DIAPH1: variants seen among roughly 807,000 people sequenced by gnomAD.
DIAPH1 encodes the protein diaphanous related formin 1, also known as protein diaphanous homolog 1.
A neutral mutation model predicts 140.7 loss-of-function variants in DIAPH1; 46 were observed. The ratio of observed to expected loss-of-function variants is 0.33; its 90% CI spans 0.26 to 0.42. DIAPH1 has a LOEUF of 0.42. Among genes scored for constraint, DIAPH1 ranks in the 10% least tolerant of loss-of-function variants. DIAPH1 has a pLI of 1.00. For synonymous variants in DIAPH1, 565 were observed against 551.6 expected, an observed-to-expected ratio of 1.02 and a Z score of -0.34; for missense variants, 1,310 against 1,558.7, an observed-to-expected ratio of 0.84 and a Z score of 2.69.
At chr5:141,610,016 A>G (rs2099901558) in intron 1 of DIAPH1, among the ~76,000 whole-genome samples, 2 of 152,250 alleles carry the variant, frequency 1.3e-5, no homozygotes, top group African/African-American at 4.8e-5. Context: ...AAAAGAGAGA[A>G]GCCGAGCACA....
intron 27 of DIAPH1, 87 bp downstream of exon 27, chr5:141,524,056 A>G (rs1460976272): frequency 9.2e-7 from 1 of 1,090,070 alleles, no homozygotes; most frequent in Non-Finnish European, 1.4e-6. Context: ...TTAGAGCATC[A>G]TTATTTGCTC....
intron 27 of DIAPH1, among the ~76,000 whole-genome samples, chr5:141,523,686 T>G (rs1261500755): frequency 6.6e-6 from 1 of 151,726 alleles, no homozygotes; most frequent in African/African-American, 2.4e-5. Context: ...TGCCTAAACC[T>G]GTCTACAAAA....
At chr5:141,613,859 T>G (rs973059835) in intron 1 of DIAPH1, among the ~76,000 whole-genome samples, 1 of 152,198 alleles carries the variant, frequency 6.6e-6, no homozygotes, top group African/African-American at 2.4e-5. Flanking sequence ...TTTAAGAAAT[T>G]TTATTATCAA....
At chr5:141,574,428 A>G (rs1412342296) in intron 15 of DIAPH1, among the ~76,000 whole-genome samples, 1 of 152,218 alleles carries the variant, frequency 6.6e-6, no homozygotes, top group Non-Finnish European at 1.5e-5. Flanking sequence ...CATGCTTTGT[A>G]TTAAGAAGAC....
At position 141,534,401 on chromosome 5, in the gene DIAPH1, T is replaced by C; in HGVS notation, c.2515A>G (p.Lys839Glu). ...KKDQEGGEEK[K>E]SVQKKKVKEL... ...TTTACTTTTTTCTTTTGCACAGATTTCTTTTCTTCTCCACCTTCTTGATCC... is the reference window on the plus strand; with the variant it reads ...TTTACTTTTTTCTTTTGCACAGATTCCTTTTCTTCTCCACCTTCTTGATCC... Residue 839 changes from lysine (K) to glutamate (E), a missense_variant, in exon 19 of 28, where the codon AAA (lysine) becomes GAA (glutamate). Physicochemically the swap from Lys to Glu is moderately conservative, Grantham distance 56. Coordinates refer to ENST00000389054, the MANE Select transcript of DIAPH1 (RefSeq NM_005219.5). 1 of 1,613,906 alleles carries C rather than the reference T, an allele frequency of 6.2e-7. No homozygotes were observed. Among genetic ancestry groups the C allele is most frequent in the Non-Finnish European group, 8.5e-7 (1 of 1,180,014 alleles).
At chr5:141,587,935 C>T (rs1049987721) in intron 2 of DIAPH1, among the ~76,000 whole-genome samples, 2 of 152,146 alleles carry the variant, frequency 1.3e-5, no homozygotes, top group African/African-American at 4.8e-5. Context: ...TTGAAAATAA[C>T]AGTAATTATC....
chr5:141,533,289 A>G (rs938724194), intron 19 of DIAPH1, among the ~76,000 whole-genome samples: 1 of 152,216 alleles, frequency 6.6e-6, no homozygotes, highest in African/African-American at 2.4e-5. Context: ...CTTGGTATGA[A>G]GTAGGTAGAT....
chr5:141,525,647 C>T (rs1383758145), intron 26 of DIAPH1, among the ~76,000 whole-genome samples: 3 of 151,902 alleles, frequency 2.0e-5, no homozygotes, highest in African/African-American at 4.8e-5. Context: ...GAAGACACGC[C>T]ACAATTAAAA....
At chr5:141,568,905 G>C (rs888223079) in intron 18 of DIAPH1, among the ~76,000 whole-genome samples, 4 of 152,010 alleles carry the variant, frequency 2.6e-5, no homozygotes, top group Non-Finnish European at 5.9e-5. Flanking sequence ...CACCTAAGCA[G>C]TGCTTCTACT....
chr5:141,562,896 C>T (rs544910502), intron 18 of DIAPH1, among the ~76,000 whole-genome samples: 20 of 152,272 alleles, frequency 1.3e-4, no homozygotes, highest in African/African-American at 4.3e-4. Flanking sequence ...TTGTTCACCC[C>T]AATCCTTAGT....
rs114141825 is a variant in DIAPH1, at chr5:141,595,278, G to A, written c.118-7028C>T. ...GATGGATATATGTCATTCATGGATTGTACAACACTAAGAGTGAACCCTAAT... is the reference window on the plus strand; with the variant it reads ...GATGGATATATGTCATTCATGGATTATACAACACTAAGAGTGAACCCTAAT... On this transcript the variant is annotated intron_variant, in intron 1 of 27. Coordinates refer to ENST00000389054, the MANE Select transcript of DIAPH1 (RefSeq NM_005219.5). Among the ~76,000 whole-genome samples the A allele has an allele frequency of 3.8e-3, 585 of 152,276 alleles. 3 individuals are homozygous for A. The highest frequency in any genetic ancestry group is 0.013 in the African/African-American group (527 of 41,550).
At chr5:141,542,655 T>G (rs542950374) in intron 18 of DIAPH1, among the ~76,000 whole-genome samples, 4 of 152,124 alleles carry the variant, frequency 2.6e-5, no homozygotes, top group Non-Finnish European at 5.9e-5. Context: ...GGTAAATCTA[T>G]AGAGACACAC....
intron 19 of DIAPH1, among the ~76,000 whole-genome samples, chr5:141,530,437 C>A (rs972986266): frequency 3.7e-4 from 57 of 152,284 alleles, no homozygotes; most frequent in African/African-American, 1.3e-3. Flanking sequence ...CCTTCTGGGT[C>A]CCTGGTCAGT....
chr5:141,593,808 G>A (rs2099898874), intron 1 of DIAPH1, among the ~76,000 whole-genome samples: 1 of 152,154 alleles, frequency 6.6e-6, no homozygotes, highest in Admixed American at 6.6e-5. Context: ...AAGATGTGGA[G>A]CAAGAACTTT....
chr5:141,604,729 A>G (rs1190126882), intron 1 of DIAPH1, among the ~76,000 whole-genome samples: 2 of 152,198 alleles, frequency 1.3e-5, no homozygotes, highest in Non-Finnish European at 2.9e-5. Flanking sequence ...CCACTCCTGA[A>G]TACCCAGAAA....
intron 27 of DIAPH1, 49 bp from the exon 28 acceptor site, chr5:141,517,057 T>TA: frequency 6.2e-7 from 1 of 1,608,934 alleles, no homozygotes; most frequent in Non-Finnish European, 8.5e-7. Context: ...TCATTTCTAA[T>TA]TTCTTTCAAA....
rs769075146 is a variant in DIAPH1, at chr5:141,574,228, G to A, written c.1642-20C>T. 1.9e-6 allele frequency: 3 copies of A among 1,613,492 alleles called. No individual in the cohort carries two copies. The highest frequency in any genetic ancestry group is 4.5e-5 in the East Asian group (2 of 44,878). On this transcript the variant is annotated intron_variant, in intron 15 of 27. Transcript: ENST00000389054. ...GGCAACCTACAGAAATAACATCAAT[G>A]TGAGTACTTCTCACCCCACTTCAGG...
intron 18 of DIAPH1, chr5:141,561,046 A>T: frequency 2.4e-6 from 1 of 413,204 alleles, no homozygotes; most frequent in Non-Finnish European, 4.9e-6. Context: ...AACCTGAGCC[A>T]AAATAGCTCA....
At chr5:141,557,571 T>C (rs183742514) in intron 18 of DIAPH1, among the ~76,000 whole-genome samples, 26 of 152,312 alleles carry the variant, frequency 1.7e-4, no homozygotes, top group Middle Eastern at 6.8e-3. Flanking sequence ...TTTCTTCTTT[T>C]TTTGGGGGTA....
Sources: gnomAD v4.1 joint callset for allele counts (sites outside exome capture counted in the v4.1 genomes callset) on GRCh38, gnomAD v4.1.1 for gene constraint, MANE v1.5 for transcripts, NCBI Gene and HGNC (gene_info 2026-07-23, HGNC 2026-07-21) for gene names.